Variants in SGSM1 observed in about 807,000 individuals in gnomAD.
SGSM1 encodes RUN and TBC1 domain containing 2.
In SGSM1, 73 loss-of-function variants were observed where a neutral mutation model predicts 133.8. That is an observed-to-expected ratio of 0.55 (90% CI 0.45 to 0.66). The LOEUF (loss-of-function observed/expected upper bound fraction) is 0.66, where lower values mean the gene tolerates loss of function less well. SGSM1 is among the 30% of genes least tolerant of loss of function. The pLI is 0.00. For missense variants in SGSM1, 1,213 were observed against 1,448.1 expected (o/e 0.84, Z 2.64); for synonymous variants, 563 against 573.0 (o/e 0.98, Z 0.25).
chr22:24,828,240 C>T (rs943352462), intron 2 of SGSM1, among the ~76,000 whole-genome samples: 4 of 152,078 alleles, frequency 2.6e-5, no homozygotes, highest in East Asian at 3.9e-4. Flanking sequence ...GGCCTAGGTT[C>T]GAGTTCCAGC....
In SGSM1 at chr22:24,867,699, C is replaced by T. The variant is rs6004336; in HGVS notation, c.994+539C>T. Among the ~76,000 whole-genome samples, 1,424 of 152,248 alleles carry T rather than the reference C, an allele frequency of 9.4e-3. 31 individuals carry two copies. The highest frequency in any genetic ancestry group is 0.032 in the African/African-American group (1,339 of 41,540). ...CTTTAAAGCCAGAAGAAAGTACAGT[C>T]AGAGTAAGCAGAGGGCCATCCTGCT... On this transcript the variant is annotated intron_variant, in intron 10 of 24. Coordinates refer to ENST00000400358, the MANE Select transcript of SGSM1 (RefSeq NM_001098497.3).
At chr22:24,822,088 C>CTTTTTTTTTTTTTTTTTTTTTTTTT (rs71320790) in intron 2 of SGSM1, among the ~76,000 whole-genome samples, 1 of 96,178 alleles carries the variant, frequency 1.0e-5, no homozygotes, top group Non-Finnish European at 2.0e-5. Context: ...TCATCTCTCT[C>CTTTTTTTTTTTTTTTTTTTTTTTTT]TTTTTTTTTT....
In SGSM1 at chr22:24,895,207, CTCTT is replaced by C. The variant is rs761971991; in HGVS notation, c.1954-10_1954-7del. Reference sequence around the variant, plus strand: ...GCAGCCTCACCCTCCCTCCCTCCTGCTCTTTCTTTTCTCAGTCCTCCCAGAGCTG... The same window carrying C: ...GCAGCCTCACCCTCCCTCCCTCCTGCTCTTTTCTCAGTCCTCCCAGAGCTG... On this transcript the variant is annotated splice_polypyrimidine_tract_variant and intron_variant, in intron 17 of 24. Coordinates refer to ENST00000400358, the MANE Select transcript of SGSM1 (RefSeq NM_001098497.3). 6.3e-7 allele frequency: 1 copy of C among 1,598,636 alleles called. No individual in the cohort carries two copies. Among genetic ancestry groups the C allele is most frequent in the African/African-American group, 1.3e-5 (1 of 74,132 alleles).
chr22:24,808,384 A>G (rs1270072298), intron 2 of SGSM1, among the ~76,000 whole-genome samples: 5 of 152,024 alleles, frequency 3.3e-5, no homozygotes, highest in Non-Finnish European at 2.9e-5. Context: ...AAAGTGCTGG[A>G]ATTACAGGCG....
intron 19 of SGSM1, among the ~76,000 whole-genome samples, chr22:24,901,548 C>T (rs1020880861): frequency 4.6e-5 from 7 of 152,094 alleles, no homozygotes; most frequent in Non-Finnish European, 7.3e-5. Flanking sequence ...AGAATTTGCC[C>T]TCTGTGCAGT....
chr22:24,890,199 G>A (rs573791341), intron 16 of SGSM1, among the ~76,000 whole-genome samples: 20 of 151,486 alleles, frequency 1.3e-4, no homozygotes, highest in East Asian at 5.9e-4. Flanking sequence ...CTTGTGATCC[G>A]CCCGCCTTGG....
chr22:24,887,364 A>C (rs571582448), intron 16 of SGSM1, among the ~76,000 whole-genome samples: 1 of 152,276 alleles, frequency 6.6e-6, no homozygotes, highest in East Asian at 1.9e-4. Flanking sequence ...TACAGTGTGT[A>C]ATGTTTTGGG....
chr22:24,913,305 A>AG (rs1933701610), intron 22 of SGSM1, among the ~76,000 whole-genome samples: 6 of 148,522 alleles, frequency 4.0e-5, no homozygotes, highest in South Asian at 2.2e-4. Flanking sequence ...AAAAAAAAAA[A>AG]AAAAAGAAAG....
At chr22:24,849,119 T>C (rs1930310496) in intron 4 of SGSM1, among the ~76,000 whole-genome samples, 1 of 152,160 alleles carries the variant, frequency 6.6e-6, no homozygotes, top group South Asian at 2.1e-4. Context: ...TATTCATATA[T>C]GCAATCACTC....
intron 9 of SGSM1, among the ~76,000 whole-genome samples, chr22:24,863,388 A>G (rs1272809410): frequency 6.6e-6 from 1 of 151,946 alleles, no homozygotes; most frequent in Non-Finnish European, 1.5e-5. Context: ...CGATCTCTTG[A>G]CCTCGTGATC....
At chr22:24,845,967 T>TTCTTTCTC (rs1555924277) in intron 3 of SGSM1, among the ~76,000 whole-genome samples, 14 of 144,750 alleles carry the variant, frequency 9.7e-5, no homozygotes, top group African/African-American at 3.6e-4. Flanking sequence ...CTTTCTTTCT[T>TTCTTTCTC]TCTTTCTTTC....
chr22:24,889,689 G>A lies in SGSM1; in HGVS notation c.1770+2961G>A, dbSNP rs1368343664. On this transcript the variant is annotated intron_variant, in intron 16 of 24. Transcript: ENST00000400358. ...TTTTGAGATAGAGTCTTGCTGTGTC[G>A]CCCAGGCTGGAATGCAGTGGCGCGA... is the stretch of plus-strand genomic sequence containing the variant. Among the ~76,000 whole-genome samples the A allele has an allele frequency of 5.5e-5, 8 of 145,348 alleles. No homozygotes were observed. In the South Asian group the frequency reaches 6.6e-4, roughly 12 times the overall value.
At chr22:24,904,708 CAT>C (rs2123719664) in intron 20 of SGSM1, among the ~76,000 whole-genome samples, 1 of 152,142 alleles carries the variant, frequency 6.6e-6, no homozygotes, top group South Asian at 2.1e-4. Flanking sequence ...GATACAGAAA[CAT>C]AAATTTGTGA....
chr22:24,899,123 A>T (rs1274810951), intron 19 of SGSM1, among the ~76,000 whole-genome samples: 1 of 151,886 alleles, frequency 6.6e-6, no homozygotes, highest in Non-Finnish European at 1.5e-5. Flanking sequence ...AGTAATAGGT[A>T]AGCCATGTAG....
chr22:24,856,035 A>G (rs149643993), intron 8 of SGSM1: 6 of 426,528 alleles, frequency 1.4e-5, no homozygotes, highest in East Asian at 5.9e-5. Context: ...CCATCCATCC[A>G]TCCATCCCTC....
intron 2 of SGSM1, among the ~76,000 whole-genome samples, chr22:24,825,217 C>T (rs1180965235): frequency 1.3e-5 from 2 of 152,082 alleles, no homozygotes; most frequent in East Asian, 3.9e-4. Context: ...CATAGTGCCA[C>T]CTTTGGGGAC....
intron 8 of SGSM1, among the ~76,000 whole-genome samples, chr22:24,856,928 C>A (rs1368685225): frequency 6.6e-6 from 1 of 151,774 alleles, no homozygotes; most frequent in African/African-American, 2.4e-5. Context: ...GCCACCACGC[C>A]CAGCTAATTT....
intron 12 of SGSM1, chr22:24,874,670 G>A: frequency 6.9e-7 from 1 of 1,441,444 alleles, no homozygotes; most frequent in African/African-American, 1.4e-5. Context: ...GGGAGATGGA[G>A]GCAGGAAGGG....
At chr22:24,826,517 A>T (rs1255137682) in intron 2 of SGSM1, among the ~76,000 whole-genome samples, 1 of 152,208 alleles carries the variant, frequency 6.6e-6, no homozygotes, top group Non-Finnish European at 1.5e-5. Flanking sequence ...TAGTCCGATT[A>T]TCGTCAGCAT....
Sources: gnomAD v4.1 joint callset for allele counts (sites outside exome capture counted in the v4.1 genomes callset) on GRCh38, gnomAD v4.1.1 for gene constraint, MANE v1.5 for transcripts, NCBI Gene and HGNC (gene_info 2026-07-23, HGNC 2026-07-21) for gene names.